DLGAP2: variants seen among roughly 807,000 people sequenced by gnomAD.
The protein encoded by DLGAP2 is disks large-associated protein 2.
In DLGAP2, 26 loss-of-function variants were observed where a neutral mutation model predicts 100.3. That is an observed-to-expected ratio of 0.26 (90% confidence interval 0.19 to 0.36). The LOEUF (loss-of-function observed/expected upper bound fraction) is 0.36. DLGAP2 is among the 10% of genes least tolerant of loss of function. DLGAP2 has a pLI of 1.00. For missense variants in DLGAP2, 1,858 were observed against 1,453.2 expected, an observed-to-expected ratio of 1.28 and a Z score of -4.53; for synonymous variants, 886 against 630.1, an observed-to-expected ratio of 1.41 and a Z score of -6.08.
intron 3 of DLGAP2, among the ~76,000 whole-genome samples, chr8:1,312,252 G>C (rs1006529204): frequency 7.9e-5 from 12 of 152,208 alleles, no homozygotes; most frequent in Non-Finnish European, 7.3e-5. Flanking sequence ...TTTAACATCA[G>C]AGGGAACCCA....
intron 4 of DLGAP2, among the ~76,000 whole-genome samples, chr8:1,527,937 C>G (rs1394209965): frequency 6.6e-6 from 1 of 151,628 alleles, no homozygotes; most frequent in South Asian, 2.1e-4. Context: ...AAAAAAAGTT[C>G]ATTCAACTGA....
intron 6 of DLGAP2, among the ~76,000 whole-genome samples, chr8:1,603,828 C>G (rs1013662163): frequency 1.3e-5 from 2 of 152,152 alleles, no homozygotes; most frequent in African/African-American, 2.4e-5. Context: ...ATCATCCTCC[C>G]CATGCGTCCT....
At chr8:1,656,829 G>A (rs749300290) in intron 8 of DLGAP2, among the ~76,000 whole-genome samples, 19 of 152,164 alleles carry the variant, frequency 1.2e-4, no homozygotes, top group Non-Finnish European at 2.6e-4. Context: ...GTACTCAAGA[G>A]GCAAAGCATG....
At chr8:1,321,405 A>G (rs1184499144) in intron 3 of DLGAP2, among the ~76,000 whole-genome samples, 1 of 150,784 alleles carries the variant, frequency 6.6e-6, no homozygotes, top group African/African-American at 2.4e-5. Context: ...GCATGTGTGC[A>G]TGCATCCATG....
chr8:1,114,167 G>A (rs778840210), intron 2 of DLGAP2, among the ~76,000 whole-genome samples: 2 of 151,994 alleles, frequency 1.3e-5, no homozygotes, highest in Admixed American at 6.6e-5. Context: ...TTCTTTTTTT[G>A]TTGTGTCTCT....
chr8:1,474,792 A>C (rs376748028), intron 3 of DLGAP2, among the ~76,000 whole-genome samples: 4 of 152,366 alleles, frequency 2.6e-5, no homozygotes, highest in Non-Finnish European at 4.4e-5. Context: ...GCGAGCGTAC[A>C]TTGGTTCAGC....
chr8:1,462,714 G>A (rs1311038204), intron 3 of DLGAP2, among the ~76,000 whole-genome samples: 5 of 152,200 alleles, frequency 3.3e-5, no homozygotes, highest in African/African-American at 1.2e-4. Flanking sequence ...GAAGGGACCA[G>A]GAATGTACCA....
intron 8 of DLGAP2, among the ~76,000 whole-genome samples, chr8:1,647,138 A>C (rs1798057900): frequency 6.6e-6 from 1 of 152,208 alleles, no homozygotes; most frequent in South Asian, 2.1e-4. Context: ...AGGACACTGC[A>C]GTGAGACTAG....
intron 2 of DLGAP2, among the ~76,000 whole-genome samples, chr8:1,254,734 G>T (rs1278871876): frequency 6.6e-6 from 1 of 152,164 alleles, no homozygotes; most frequent in East Asian, 1.9e-4. Context: ...AATCCCTTTT[G>T]GGTTTCGGGG....
At chr8:1,273,040 C>A (rs1346463432) in intron 3 of DLGAP2, among the ~76,000 whole-genome samples, 1 of 152,264 alleles carries the variant, frequency 6.6e-6, no homozygotes, top group African/African-American at 2.4e-5. Context: ...CCAACAAAGT[C>A]CATTTGACCA....
chr8:799,451 G>GT (rs573139726), intron 1 of DLGAP2, among the ~76,000 whole-genome samples: 3 of 152,132 alleles, frequency 2.0e-5, no homozygotes, highest in Non-Finnish European at 4.4e-5. Flanking sequence ...TCTGCTGGGA[G>GT]TTGGAAAAAA....
intron 2 of DLGAP2, among the ~76,000 whole-genome samples, chr8:1,153,861 T>A (rs1027558466): frequency 6.6e-6 from 1 of 152,196 alleles, no homozygotes; most frequent in African/African-American, 2.4e-5. Flanking sequence ...AGCACTTTCC[T>A]TGGCAAAAAT....
rs866427867 is a variant in DLGAP2 at position 1,187,475 on chromosome 8, G to C, written c.74-71376G>C. On this transcript the variant is annotated intron_variant, in intron 2 of 14. Transcript: ENST00000637795. ...CACACCCGGGACCTCCGTGACATTT[G>C]CCTCACGGAATCTCACACACCCGGG... 4.1e-3 allele frequency among the ~76,000 whole-genome samples: 424 copies of C among 104,534 alleles called. 28 individuals carry two copies. The highest frequency in any genetic ancestry group is 0.017 in the Middle Eastern group (2 of 118). The allele number at this position is 104,534 out of a possible 152,430, so 68.6% of individuals were successfully genotyped here. A position where few individuals can be genotyped will look rare whatever the true frequency, so the allele number is the denominator to read the frequency against.
rs1319092323 is a variant in DLGAP2 at position 1,097,988 on chromosome 8, T to G, written c.74-160863T>G. ...GACTGAGTCTGCTTAGAGGTTTGTA[T>G]GAACCCCAGCCGCATGGCCTTCGAC... On this transcript the variant is annotated intron_variant, in intron 2 of 14. Coordinates refer to ENST00000637795, the MANE Select transcript of DLGAP2 (RefSeq NM_001346810.2). Among the ~76,000 whole-genome samples the G allele has an allele frequency of 2.6e-5, 4 of 152,288 alleles. No homozygotes were observed. The East Asian group carries it at 7.7e-4, about 29-fold the overall frequency.
At chr8:973,840 G>C (rs886107620) in intron 2 of DLGAP2, among the ~76,000 whole-genome samples, 1 of 115,540 alleles carries the variant, frequency 8.7e-6, no homozygotes, top group East Asian at 2.7e-4. Flanking sequence ...CCGGGAGGTC[G>C]GGGCGGGCGG....
At chr8:1,434,668 G>A (rs1038894817) in intron 3 of DLGAP2, among the ~76,000 whole-genome samples, 1 of 152,146 alleles carries the variant, frequency 6.6e-6, no homozygotes, top group African/African-American at 2.4e-5. Context: ...TAGAGATGGG[G>A]TGTCACTATG....
chr8:1,541,310 A>T lies in DLGAP2; in HGVS notation c.173-7316A>T, dbSNP rs557270011. ...GGTAGTTTAAGACATTCTGCTAAGT[A>T]TACAGCATGACTCAGATTAAAATGG... is the stretch of plus-strand genomic sequence containing the variant. On this transcript the variant is annotated intron_variant, in intron 4 of 14. Coordinates refer to ENST00000637795, the MANE Select transcript of DLGAP2 (RefSeq NM_001346810.2). Among the ~76,000 whole-genome samples, 7 of 152,376 alleles carry T rather than the reference A, an allele frequency of 4.6e-5. No homozygotes were observed. The East Asian group carries it at 1.2e-3, about 25-fold the overall frequency.
At chr8:1,675,550 G>A (rs1461594384) in intron 10 of DLGAP2, among the ~76,000 whole-genome samples, 1 of 152,126 alleles carries the variant, frequency 6.6e-6, no homozygotes, top group African/African-American at 2.4e-5. Flanking sequence ...AGTCACAAAG[G>A]GCAACTCAAA....
rs143985734 is a variant in DLGAP2 at position 1,449,147 on chromosome 8, C to T, written c.107-52219C>T. On this transcript the variant is annotated intron_variant, in intron 3 of 14. Transcript: ENST00000637795. ...CTGTTCTCTTTCCTCTCATCTTCCC[C>T]TGATGGGGAAAGTCACTTATATGAT... Among the ~76,000 whole-genome samples the T allele has an allele frequency of 1.5e-3, 228 of 152,326 alleles. 1 individual carries two copies. The highest frequency in any genetic ancestry group is 5.4e-3 in the African/African-American group (223 of 41,574).
Sources: allele counts gnomAD v4.1 joint callset (sites outside exome capture counted in the v4.1 genomes callset), GRCh38; gene constraint gnomAD v4.1.1; transcripts MANE v1.5; gene names NCBI Gene and HGNC (gene_info 2026-07-23, HGNC 2026-07-21).